MAN1A1: variants seen among roughly 807,000 people sequenced by gnomAD.
MAN1A1 encodes the protein mannosyl-oligosaccharide 1,2-alpha-mannosidase IA.
MAN1A1 carries 29 observed loss-of-function variants against 70.8 expected under a neutral mutation model. The observed-to-expected ratio is 0.41, with a 90% CI of 0.31 to 0.56. MAN1A1 has a LOEUF of 0.56. Ranked by LOEUF, MAN1A1 falls within the 20% of genes least tolerant of loss-of-function variation. The probability of loss-of-function intolerance (pLI) is 0.29; values close to 1 mark genes in which losing one functional copy is unlikely to be tolerated. For synonymous variants in MAN1A1, 349 were observed against 330.1 expected, an observed-to-expected ratio of 1.06 and a Z score of -0.62; for missense variants, 747 against 841.3, an observed-to-expected ratio of 0.89 and a Z score of 1.39.
chr6:119,239,483 CTG>C (rs1239618108), intron 6 of MAN1A1, among the ~76,000 whole-genome samples: 1 of 152,150 alleles, frequency 6.6e-6, no homozygotes, highest in Non-Finnish European at 1.5e-5. Context: ...TCCACTGAGA[CTG>C]TGAGGCCTTT....
chr6:119,323,454 G>A (rs1429744303), intron 2 of MAN1A1, among the ~76,000 whole-genome samples: 1 of 152,110 alleles, frequency 6.6e-6, no homozygotes, highest in Non-Finnish European at 1.5e-5. Flanking sequence ...ATTGTATCAT[G>A]TAATCAATTA....
In MAN1A1 at chr6:119,349,631, G is replaced by C. The variant is rs1471580601; in HGVS notation, c.-312C>G. On this transcript the variant is annotated 5_prime_UTR_variant, in exon 1 of 13. Coordinates refer to ENST00000368468, the MANE Select transcript of MAN1A1 (RefSeq NM_005907.4). ...CGCTGAGACTGCTGCCTCTTTCCTA[G>C]GCTGGGCTGAGCGCGCTGTCCCACG... 3 of 985,896 alleles carry C rather than the reference G, an allele frequency of 3.0e-6. No homozygotes were observed. The highest frequency in any genetic ancestry group is 3.6e-6 in the Non-Finnish European group (3 of 830,088). 61.1% of individuals were successfully genotyped at this position (985,896 alleles called of 1,614,324 possible). A position where few individuals can be genotyped will look rare whatever the true frequency, so the allele number is the denominator to read the frequency against.
chr6:119,254,169 T>C (rs1775401043), intron 5 of MAN1A1, among the ~76,000 whole-genome samples: 1 of 152,218 alleles, frequency 6.6e-6, no homozygotes, highest in African/African-American at 2.4e-5. Flanking sequence ...AAGTTTTAAG[T>C]AGCACATATT....
chr6:119,282,456 C>G (rs1482630399), intron 5 of MAN1A1, among the ~76,000 whole-genome samples: 2 of 152,126 alleles, frequency 1.3e-5, no homozygotes, highest in Non-Finnish European at 2.9e-5. Context: ...CTGTACACTC[C>G]TATATTCCTT....
At chr6:119,350,474 C>T, upstream of MAN1A1, 3 of 972,182 alleles carry the variant, frequency 3.1e-6, no homozygotes, top group Non-Finnish European at 3.7e-6. Flanking sequence ...AACAAAAAAC[C>T]GAAAAAACTT....
At chr6:119,195,337 C>T (rs1234809335) in intron 8 of MAN1A1, among the ~76,000 whole-genome samples, 1 of 152,148 alleles carries the variant, frequency 6.6e-6, no homozygotes, top group African/African-American at 2.4e-5. Context: ...TCTTTTGGCT[C>T]CTCAAAAACA....
At chr6:119,297,668 G>A (rs1772253358) in intron 4 of MAN1A1, among the ~76,000 whole-genome samples, 2 of 147,844 alleles carry the variant, frequency 1.4e-5, no homozygotes, top group African/African-American at 2.5e-5. Flanking sequence ...GATTAAACAC[G>A]ATACACCCAT....
At chr6:119,188,003 G>A (rs889272842) in intron 11 of MAN1A1, among the ~76,000 whole-genome samples, 1 of 152,124 alleles carries the variant, frequency 6.6e-6, no homozygotes, top group Non-Finnish European at 1.5e-5. Flanking sequence ...TTTACTCTAA[G>A]TAAAAGCATA....
intron 9 of MAN1A1, among the ~76,000 whole-genome samples, chr6:119,190,205 G>A (rs1030570260): frequency 3.9e-5 from 6 of 152,298 alleles, no homozygotes; most frequent in African/African-American, 9.6e-5. Context: ...AGTAATAGTT[G>A]GTTTGGTACA....
chr6:119,300,921 A>G (rs928998555), intron 4 of MAN1A1, among the ~76,000 whole-genome samples: 3 of 152,220 alleles, frequency 2.0e-5, no homozygotes, highest in African/African-American at 7.2e-5. Flanking sequence ...TTTAATTTAT[A>G]TAAGTTTTTA....
At chr6:119,259,229 G>A (rs1411600750) in intron 5 of MAN1A1, among the ~76,000 whole-genome samples, 1 of 152,058 alleles carries the variant, frequency 6.6e-6, no homozygotes, top group Non-Finnish European at 1.5e-5. Context: ...GACTCATTTT[G>A]TAAACAGTTA....
At chr6:119,323,595 G>C (rs1773075519) in intron 2 of MAN1A1, among the ~76,000 whole-genome samples, 1 of 152,174 alleles carries the variant, frequency 6.6e-6, no homozygotes, top group Non-Finnish European at 1.5e-5. Flanking sequence ...TAACAGAGTG[G>C]AAGGTATGGG....
At chr6:119,274,839 T>C (rs897990681) in intron 5 of MAN1A1, among the ~76,000 whole-genome samples, 2 of 152,176 alleles carry the variant, frequency 1.3e-5, no homozygotes, top group Non-Finnish European at 2.9e-5. Flanking sequence ...TTTTACTCTA[T>C]TGATGAAAAG....
chr6:119,311,759 T>C (rs1407572603), intron 2 of MAN1A1, among the ~76,000 whole-genome samples: 3 of 152,052 alleles, frequency 2.0e-5, no homozygotes, highest in African/African-American at 7.2e-5. Context: ...CTTTGCAGCA[T>C]GATGGAGTAA....
At chr6:119,248,967 AT>A (rs1775243573) in intron 5 of MAN1A1, among the ~76,000 whole-genome samples, 2 of 152,348 alleles carry the variant, frequency 1.3e-5, no homozygotes, top group African/African-American at 4.8e-5. Context: ...AGATAATTAT[AT>A]GCACATAAAT....
intron 2 of MAN1A1, among the ~76,000 whole-genome samples, chr6:119,328,487 T>C (rs764633472): frequency 1.1e-4 from 16 of 152,220 alleles, no homozygotes; most frequent in Admixed American, 2.6e-4. Flanking sequence ...TGCCTTTGTG[T>C]GTGCTGCCTT....
At chr6:119,203,899 T>C (rs1459421717) in intron 7 of MAN1A1, among the ~76,000 whole-genome samples, 1 of 151,768 alleles carries the variant, frequency 6.6e-6, no homozygotes, top group African/African-American at 2.4e-5. Flanking sequence ...AGTATAGAGA[T>C]GGTATGTAAA....
intron 6 of MAN1A1, among the ~76,000 whole-genome samples, chr6:119,224,838 TG>T (rs1401129167): frequency 6.6e-6 from 1 of 152,086 alleles, no homozygotes; most frequent in African/African-American, 2.4e-5. Context: ...TAAAAATAAT[TG>T]TATCTGGGGC....
chr6:119,229,596 T>A (rs1053746073), intron 6 of MAN1A1, among the ~76,000 whole-genome samples: 13 of 152,302 alleles, frequency 8.5e-5, no homozygotes, highest in African/African-American at 2.9e-4. Context: ...TGACTGAAAA[T>A]CAATGGCATC....
Sources: gnomAD v4.1 joint callset for allele counts (sites outside exome capture counted in the v4.1 genomes callset) on GRCh38, gnomAD v4.1.1 for gene constraint, MANE v1.5 for transcripts, NCBI Gene and HGNC (gene_info 2026-07-23, HGNC 2026-07-21) for gene names.